SLC22A16: variants seen among roughly 807,000 people sequenced by gnomAD.
SLC22A16 encodes WUGSC:RG331P03.1.
SLC22A16 carries 53 observed loss-of-function variants against 52.9 expected under a neutral mutation model. The observed-to-expected ratio is 1.00, with a 90% CI of 0.80 to 1.26. The LOEUF (loss-of-function observed/expected upper bound fraction) is 1.26. SLC22A16 is among the 50% of genes most tolerant of loss of function. The pLI, the probability that SLC22A16 is intolerant of heterozygous loss-of-function variation, is 0.00. For synonymous variants in SLC22A16, 291 were observed against 268.8 expected, an observed-to-expected ratio of 1.08 and a Z score of -0.81; for missense variants, 726 against 704.0, an observed-to-expected ratio of 1.03 and a Z score of -0.35.
rs146329765 is a variant in SLC22A16, at chr6:110,442,303, G to A, written c.1124C>T (p.Ser375Leu). The stretch of plus-strand genomic sequence containing the variant: ...TAAGTTAACAGAATTCAAGGAAAAC[G>A]AGTAGAATCCCAAACTTCCAGTGAA... ...IWFTGSLGFY[S>L]FSLNSVNLGG... Residue 375 changes from serine to leucine, a missense_variant, in exon 4 of 8, where the codon TCG becomes TTG. Ser to Leu is a moderately radical substitution (Grantham distance 145). Coordinates refer to ENST00000368919, the MANE Select transcript of SLC22A16 (RefSeq NM_033125.4). The A allele has an allele frequency of 2.1e-3, 3,410 of 1,614,136 alleles. 5 individuals are homozygous for A. The highest frequency in any genetic ancestry group is 4.5e-3 in the Admixed American group (270 of 60,016).
intron 1 of SLC22A16, among the ~76,000 whole-genome samples, chr6:110,470,645 C>T (rs2114299118): frequency 6.6e-6 from 1 of 152,256 alleles, no homozygotes; most frequent in African/African-American, 2.4e-5. Flanking sequence ...TATTCTCTCT[C>T]TCTCTTCCCC....
At position 110,446,993 on chromosome 6, in the gene SLC22A16, GA is replaced by G; in HGVS notation, c.534-4del. Reference sequence around the variant, plus strand: ...ACAAGACCACCCGGCGTCCTAGCCTGAAAAATAAGAGTCACACAGTGGAAGA... The same window carrying G: ...ACAAGACCACCCGGCGTCCTAGCCTGAAAATAAGAGTCACACAGTGGAAGA... On this transcript the variant is annotated splice_polypyrimidine_tract_variant and splice_region_variant and intron_variant, in intron 2 of 7. Transcript: ENST00000368919. The G allele has an allele frequency of 1.2e-6, 2 of 1,609,520 alleles. No homozygotes were observed. The highest frequency in any genetic ancestry group is 1.7e-6 in the Non-Finnish European group (2 of 1,178,166).
intron 1 of SLC22A16, among the ~76,000 whole-genome samples, chr6:110,464,213 T>C (rs1259196651): frequency 1.3e-5 from 2 of 151,888 alleles, no homozygotes; most frequent in African/African-American, 4.8e-5. Context: ...TTAACAACCA[T>C]TAATGCCACA....
chr6:110,462,917 T>C (rs1363251194), intron 1 of SLC22A16, among the ~76,000 whole-genome samples: 1 of 151,814 alleles, frequency 6.6e-6, no homozygotes, highest in East Asian at 1.9e-4. Context: ...GTCAGACTAA[T>C]GAGACGTCTC....
At chr6:110,432,354 GA>G (rs1190535008) in intron 6 of SLC22A16, among the ~76,000 whole-genome samples, 2 of 152,120 alleles carry the variant, frequency 1.3e-5, no homozygotes, top group East Asian at 3.9e-4. Flanking sequence ...AGCCAACAAA[GA>G]AAAGATCTTA....
intron 3 of SLC22A16, among the ~76,000 whole-genome samples, chr6:110,443,500 C>T (rs920506880): frequency 1.3e-5 from 2 of 151,996 alleles, no homozygotes; most frequent in Admixed American, 6.6e-5. Context: ...GATACCCCCT[C>T]ATACACATTA....
At chr6:110,435,782 G>A (rs112574707) in intron 6 of SLC22A16, 70 bp downstream of exon 6, 1 of 1,180,572 alleles carries the variant, frequency 8.5e-7, no homozygotes, top group Non-Finnish European at 1.2e-6. Flanking sequence ...ACATGTAAAG[G>A]CCAAATACAA....
In SLC22A16 at chr6:110,446,924, C is replaced by G. The variant is rs377346650; in HGVS notation, c.600G>C (p.Ala200=). The G allele has an allele frequency of 6.2e-7, 1 of 1,613,878 alleles. No homozygotes were observed. The highest frequency in any genetic ancestry group is 1.3e-5 in the African/African-American group (1 of 75,022). ...SSMFLFGIAA[A]FAVDYYTFMA... ...TGAAGGTGTAATAATCAACTGCAAA[C>G]GCCGCTGCTATTCCAAACAAAAACA... The change falls in exon 3 of 8, where the codon GCG becomes GCC. Residue 200 remains alanine (A), a synonymous_variant. Coordinates refer to ENST00000368919, the MANE Select transcript of SLC22A16 (RefSeq NM_033125.4).
chr6:110,436,911 C>T (rs886243363), intron 5 of SLC22A16, among the ~76,000 whole-genome samples: 5 of 152,144 alleles, frequency 3.3e-5, no homozygotes, highest in Non-Finnish European at 7.4e-5. Flanking sequence ...CATCTGCCAA[C>T]TGGATGCTGA....
At position 110,446,063 on chromosome 6, in the gene SLC22A16, AGATT is replaced by A. The variant is rs555968511; in HGVS notation, c.651+806_651+809del. Reference sequence around the variant, plus strand: ...TCTTGTTCTCTGAGGGGGTGCAGAGAGATTGAAGCCCTTTGCTTCTCTCCAGACC... The same window carrying A: ...TCTTGTTCTCTGAGGGGGTGCAGAGAGAAGCCCTTTGCTTCTCTCCAGACC... On this transcript the variant is annotated intron_variant, in intron 3 of 7. Coordinates refer to ENST00000368919, the MANE Select transcript of SLC22A16 (RefSeq NM_033125.4). 3.3e-3 allele frequency among the ~76,000 whole-genome samples: 502 copies of A among 152,288 alleles called. 2 individuals carry two copies. Among genetic ancestry groups the A allele is most frequent in the African/African-American group, 0.011 (477 of 41,554 alleles).
Position 110,442,617 on chromosome 6 carries a change from G to A in SLC22A16, c.810C>T (p.Tyr270=). The change falls in exon 4 of 8, where the codon TAC becomes TAT. Residue 270 remains tyrosine, a synonymous_variant. Transcript: ENST00000368919. ...TGYLVRTWWL[Y]QMILSTVTVP... is the part of the protein sequence containing the mutation. ...CAGTCACTGTGGAGAGGATCATCTGGTAAAGCCACCAGGTCCTGACCAAGT... is the reference window on the plus strand; with the variant it reads ...CAGTCACTGTGGAGAGGATCATCTGATAAAGCCACCAGGTCCTGACCAAGT... The A allele has an allele frequency of 6.2e-7, 1 of 1,614,144 alleles. No homozygotes were observed. The highest frequency in any genetic ancestry group is 8.5e-7 in the Non-Finnish European group (1 of 1,180,030).
intron 3 of SLC22A16, among the ~76,000 whole-genome samples, chr6:110,444,599 C>A (rs1419585223): frequency 6.6e-6 from 1 of 152,164 alleles, no homozygotes; most frequent in Non-Finnish European, 1.5e-5. Flanking sequence ...CTTGTAATAA[C>A]TGCAATTTCT....
intron 1 of SLC22A16, among the ~76,000 whole-genome samples, chr6:110,459,269 A>G (rs1360414819): frequency 2.6e-5 from 4 of 152,156 alleles, no homozygotes; most frequent in Non-Finnish European, 5.9e-5. Context: ...GAAAAATAGT[A>G]TCTTTACAGT....
At chr6:110,449,631 G>C (rs1415436908) in intron 2 of SLC22A16, among the ~76,000 whole-genome samples, 1 of 152,046 alleles carries the variant, frequency 6.6e-6, no homozygotes, top group Non-Finnish European at 1.5e-5. Flanking sequence ...TTCCTGAATT[G>C]GTTAGCAAAA....
intron 7 of SLC22A16, among the ~76,000 whole-genome samples, chr6:110,430,375 C>G (rs774029648): frequency 1.2e-4 from 18 of 151,810 alleles, no homozygotes; most frequent in Non-Finnish European, 1.5e-4. Flanking sequence ...GAAATCCTCG[C>G]CTGAAGCCAG....
chr6:110,457,421 C>A (rs1157274460), intron 1 of SLC22A16, among the ~76,000 whole-genome samples: 4 of 152,092 alleles, frequency 2.6e-5, no homozygotes, highest in Admixed American at 1.3e-4. Flanking sequence ...TGAAAGGGGC[C>A]CAAGTAGCAA....
At chr6:110,433,782 T>C (rs189219311) in intron 6 of SLC22A16, among the ~76,000 whole-genome samples, 1 of 152,274 alleles carries the variant, frequency 6.6e-6, no homozygotes, top group Non-Finnish European at 1.5e-5. Flanking sequence ...AAAGCAGGTG[T>C]TAGGAAAATG....
At chr6:110,462,005 G>A (rs1775902874) in intron 1 of SLC22A16, among the ~76,000 whole-genome samples, 1 of 152,186 alleles carries the variant, frequency 6.6e-6, no homozygotes, top group Non-Finnish European at 1.5e-5. Context: ...CATGGCAGAA[G>A]GCAAGGAGGA....
intron 1 of SLC22A16, among the ~76,000 whole-genome samples, chr6:110,467,886 G>A (rs555974811): frequency 2.0e-5 from 3 of 152,238 alleles, no homozygotes; most frequent in Admixed American, 6.5e-5. Flanking sequence ...CATCTCTACC[G>A]CCCACTGGTG....
Sources: gnomAD v4.1 joint callset for allele counts (sites outside exome capture counted in the v4.1 genomes callset) on GRCh38, gnomAD v4.1.1 for gene constraint, MANE v1.5 for transcripts, NCBI Gene and HGNC (gene_info 2026-07-23, HGNC 2026-07-21) for gene names.